Variants in ENTREP2 observed in about 807,000 individuals in gnomAD.
The protein encoded by ENTREP2 is endosomal transmembrane epsin interactor 2.
the ENTREP2 span, among the ~76,000 whole-genome samples, chr15:29,135,292 T>C: frequency 1.3e-5 from 2 of 152,116 alleles, no homozygotes; most frequent in South Asian, 2.1e-4. This position sits in a 1 kb window ranked among gnomAD's most constrained non-coding sequence, Gnocchi z 7.4. Context: ...TCTAGCAGGA[T>C]TGGGGCAATG....
At chr15:29,629,753 T>C in the ENTREP2 span, among the ~76,000 whole-genome samples, 1 of 152,248 alleles carries the variant, frequency 6.6e-6, no homozygotes, top group South Asian at 2.1e-4. Flanking sequence ...TCTTTCATTC[T>C]GTATTTCCTT....
the ENTREP2 span, chr15:29,269,442 T>C: frequency 6.2e-7 from 1 of 1,614,006 alleles, no homozygotes; most frequent in Non-Finnish European, 8.5e-7. Context: ...GCTCGGACAC[T>C]TTCAGCTCCA....
At chr15:29,276,734 C>T in the ENTREP2 span, among the ~76,000 whole-genome samples, 1 of 152,356 alleles carries the variant, frequency 6.6e-6, no homozygotes. Flanking sequence ...TAATGAATTA[C>T]TAAAGCATCT....
At chr15:29,337,394 G>A in the ENTREP2 span, among the ~76,000 whole-genome samples, 1 of 152,238 alleles carries the variant, frequency 6.6e-6, no homozygotes, top group African/African-American at 2.4e-5. Flanking sequence ...CGGAGTCAGG[G>A]AGGGCTGCCT....
the ENTREP2 span, among the ~76,000 whole-genome samples, chr15:29,568,049 G>C: frequency 2.9e-4 from 44 of 152,342 alleles, no homozygotes; most frequent in African/African-American, 1.0e-3. Context: ...CAATGGGTCA[G>C]TGTTCCCCAC....
the ENTREP2 span, among the ~76,000 whole-genome samples, chr15:29,297,308 T>G: frequency 2.0e-5 from 3 of 152,088 alleles, no homozygotes; most frequent in Non-Finnish European, 4.4e-5. Context: ...CTTAGAACAG[T>G]GTACGCATCA....
chr15:29,151,882 A>C, the ENTREP2 span: 1 of 1,450,214 alleles, frequency 6.9e-7, no homozygotes, highest in East Asian at 2.5e-5. Flanking sequence ...CTCATCCCGA[A>C]ATAGATAGCA....
the ENTREP2 span, among the ~76,000 whole-genome samples, chr15:29,350,445 G>GGGAAA: frequency 6.6e-6 from 1 of 151,888 alleles, no homozygotes; most frequent in African/African-American, 2.4e-5. Context: ...TGCCTCTATT[G>GGGAAA]CTTCTTGGAT....
the ENTREP2 span, among the ~76,000 whole-genome samples, chr15:29,286,810 C>A: frequency 1.3e-5 from 2 of 152,328 alleles, no homozygotes; most frequent in African/African-American, 4.8e-5. Context: ...TTTCTTCTTT[C>A]TCCTTCCTGC....
At chr15:29,417,428 G>A in the ENTREP2 span, among the ~76,000 whole-genome samples, 3 of 152,048 alleles carry the variant, frequency 2.0e-5, no homozygotes, top group Non-Finnish European at 4.4e-5. Context: ...TCTCACTCAG[G>A]TGGGAATTGA....
the ENTREP2 span, among the ~76,000 whole-genome samples, chr15:29,651,410 C>T: frequency 1.7e-4 from 26 of 152,322 alleles, no homozygotes; most frequent in East Asian, 2.1e-3. Flanking sequence ...ATAGCAGAAG[C>T]GGCCCATCTA....
At chr15:29,206,204 G>A in the ENTREP2 span, among the ~76,000 whole-genome samples, 1 of 152,168 alleles carries the variant, frequency 6.6e-6, no homozygotes, top group East Asian at 1.9e-4. Flanking sequence ...TGACATCCTG[G>A]TTCACAGATG....
the ENTREP2 span, among the ~76,000 whole-genome samples, chr15:29,415,614 A>G: frequency 6.6e-6 from 1 of 151,926 alleles, no homozygotes; most frequent in Non-Finnish European, 1.5e-5. Flanking sequence ...CTCTCTCACC[A>G]CTCCTATTCA....
At chr15:29,366,605 G>A in the ENTREP2 span, among the ~76,000 whole-genome samples, 148 of 152,138 alleles carry the variant, frequency 9.7e-4, 2 homozygotes, top group Admixed American at 9.4e-3. Context: ...ACACCCCAGC[G>A]CCAGGTGACC....
the ENTREP2 span, among the ~76,000 whole-genome samples, chr15:29,259,339 A>G: frequency 3.0e-4 from 45 of 152,268 alleles, no homozygotes; most frequent in Middle Eastern, 6.8e-3. Context: ...TTCCTTCTTG[A>G]CCAATCTCTA....
chr15:29,632,782 C>T, the ENTREP2 span, among the ~76,000 whole-genome samples: 1,194 of 152,284 alleles, frequency 7.8e-3, 27 homozygotes, highest in East Asian at 0.092. Flanking sequence ...AAGAGCAAGC[C>T]GCAAAGGTCC....
At chr15:29,473,932 G>A in the ENTREP2 span, among the ~76,000 whole-genome samples, 2 of 152,180 alleles carry the variant, frequency 1.3e-5, no homozygotes, top group African/African-American at 4.8e-5. Context: ...CACCCCGTGG[G>A]CCACGGCAGT....
the ENTREP2 span, among the ~76,000 whole-genome samples, chr15:29,512,792 A>G: frequency 5.3e-4 from 81 of 152,188 alleles, no homozygotes; most frequent in Non-Finnish European, 7.1e-4. Context: ...ATCCCATTAG[A>G]GAGCAGCCCG....
At chr15:29,186,061 G>A in the ENTREP2 span, among the ~76,000 whole-genome samples, 2 of 152,280 alleles carry the variant, frequency 1.3e-5, no homozygotes, top group South Asian at 2.1e-4. Flanking sequence ...GAATGGGGCG[G>A]TGGAGCTCCT....
Sources: gnomAD v4.1 joint callset for allele counts (sites outside exome capture counted in the v4.1 genomes callset) on GRCh38, gnomAD v4.1.1 for gene constraint, Gnocchi (gnomAD v3.1) non-coding constraint, MANE v1.5 for transcripts, NCBI Gene and HGNC (gene_info 2026-07-23, HGNC 2026-07-21) for gene names.